ZFPM2: variants seen among roughly 807,000 people sequenced by gnomAD.
ZFPM2 encodes zinc finger protein, FOG family member 2, also known as zinc finger protein ZFPM2.
A neutral mutation model predicts 98.6 loss-of-function variants in ZFPM2; 20 were observed. That is an observed-to-expected ratio of 0.20 (90% CI 0.14 to 0.29). ZFPM2 has a LOEUF of 0.29. Ranked by LOEUF, ZFPM2 falls within the 10% of genes least tolerant of loss-of-function variation. ZFPM2 has a pLI of 1.00. For synonymous variants in ZFPM2, 518 were observed against 502.7 expected, an observed-to-expected ratio of 1.03 and a Z score of -0.41; for missense variants, 1,310 against 1,388.6, an observed-to-expected ratio of 0.94 and a Z score of 0.90.
At chr8:105,528,230 G>C (rs1013298286) in intron 3 of ZFPM2, among the ~76,000 whole-genome samples, 1 of 152,058 alleles carries the variant, frequency 6.6e-6, no homozygotes, top group Non-Finnish European at 1.5e-5. Flanking sequence ...TTGATCTGGG[G>C]TGGGCTCTAA....
chr8:105,388,437 G>C (rs1296021595), intron 1 of ZFPM2, among the ~76,000 whole-genome samples: 1 of 152,186 alleles, frequency 6.6e-6, no homozygotes, highest in Non-Finnish European at 1.5e-5. Flanking sequence ...AGTCGTGAAA[G>C]ATGAGAAGGC....
At chr8:105,608,063 C>A (rs1310486059) in intron 4 of ZFPM2, among the ~76,000 whole-genome samples, 1 of 152,016 alleles carries the variant, frequency 6.6e-6, no homozygotes, top group South Asian at 2.1e-4. Flanking sequence ...GGTATTATCC[C>A]TAGCAAACTA....
intron 3 of ZFPM2, among the ~76,000 whole-genome samples, chr8:105,497,685 T>G (rs1813503013): frequency 6.6e-6 from 1 of 152,120 alleles, no homozygotes; most frequent in African/African-American, 2.4e-5. Context: ...TTGTTTCTCT[T>G]TTAGGTAGCT....
Position 105,802,091 on chromosome 8 carries a change from T to C in ZFPM2, c.2009T>C (p.Val670Ala). ...AAAATTAATGGAAAACCTGTTGATG[T>C]GAAAAATCCCAGTGTCCCCTTAGTG... is the stretch of plus-strand genomic sequence containing the variant. Reference protein sequence around the residue: ...DDKINGKPVDVKNPSVPLVDG... With the variant: ...DDKINGKPVDAKNPSVPLVDG... The change falls in exon 8 of 8, where the codon GTG (valine) becomes GCG (alanine). Residue 670 changes from valine to alanine, a missense_variant. Physicochemically the swap from Val to Ala is moderately conservative, Grantham distance 64 (BLOSUM62 0). Coordinates refer to ENST00000407775, the MANE Select transcript of ZFPM2 (RefSeq NM_012082.4). 1 of 1,613,816 alleles carries C rather than the reference T, an allele frequency of 6.2e-7. No individual in the cohort carries two copies. Among genetic ancestry groups the C allele is most frequent in the South Asian group, 1.1e-5 (1 of 91,064 alleles).
chr8:105,650,803 G>A (rs909214434), intron 5 of ZFPM2, among the ~76,000 whole-genome samples: 2 of 152,124 alleles, frequency 1.3e-5, no homozygotes, highest in African/African-American at 4.8e-5. Context: ...CCAACTATGT[G>A]GTCAATTTTG....
chr8:105,639,516 A>G (rs527688295), intron 5 of ZFPM2, among the ~76,000 whole-genome samples: 8 of 152,040 alleles, frequency 5.3e-5, no homozygotes, highest in African/African-American at 1.9e-4. Flanking sequence ...GCGAAGCCAC[A>G]ATATTATTAT....
chr8:105,476,814 G>C (rs1813021139), intron 3 of ZFPM2, among the ~76,000 whole-genome samples: 1 of 151,646 alleles, frequency 6.6e-6, no homozygotes, highest in African/African-American at 2.4e-5. Flanking sequence ...GGAGAGTGGG[G>C]TGGGTGATTG....
intron 5 of ZFPM2, among the ~76,000 whole-genome samples, chr8:105,652,294 TGAAGCC>T (rs1817196571): frequency 1.6e-4 from 21 of 133,956 alleles, no homozygotes; most frequent in South Asian, 2.3e-4. Flanking sequence ...AGCCCATTTT[TGAAGCC>T]TATTTTTAAA....
chr8:105,663,550 C>A (rs1303651405), intron 5 of ZFPM2, among the ~76,000 whole-genome samples: 3 of 152,134 alleles, frequency 2.0e-5, no homozygotes, highest in Non-Finnish European at 4.4e-5. Context: ...TCACTCACTT[C>A]TTTTTGCAAC....
At position 105,570,256 on chromosome 8, in the gene ZFPM2, C is replaced by T. The variant is rs546246866; in HGVS notation, c.420+8775C>T. Reference sequence around the variant, plus strand: ...TGCAGCAGAGCCTTGGAAAGTGATGCGTTGGTTTGGTTTCTAGAATTAGGG... The same window carrying T: ...TGCAGCAGAGCCTTGGAAAGTGATGTGTTGGTTTGGTTTCTAGAATTAGGG... On this transcript the variant is annotated intron_variant, in intron 4 of 7. Coordinates refer to ENST00000407775, the MANE Select transcript of ZFPM2 (RefSeq NM_012082.4). Among the ~76,000 whole-genome samples, 15 of 151,930 alleles carry T rather than the reference C, an allele frequency of 9.9e-5. No individual in the cohort carries two copies. The South Asian group carries it at 2.7e-3, about 28-fold the overall frequency.
At chr8:105,324,966 C>T (rs1812088719) in intron 1 of ZFPM2, among the ~76,000 whole-genome samples, 1 of 151,816 alleles carries the variant, frequency 6.6e-6, no homozygotes, top group Admixed American at 6.6e-5. Context: ...AATCTTTGTT[C>T]ACTAAAAAGT....
chr8:105,331,016 T>C (rs1055331118), intron 1 of ZFPM2, among the ~76,000 whole-genome samples: 8 of 151,228 alleles, frequency 5.3e-5, no homozygotes, highest in African/African-American at 1.9e-4. Flanking sequence ...TAACCTGTTT[T>C]TTGGTGTTCA....
At position 105,453,108 on chromosome 8, in the gene ZFPM2, C is replaced by T. The variant is rs143539880; in HGVS notation, c.301+8727C>T. ...GTGCCACAAATTTGGAACTAAATTA[C>T]TAGAAGGGTAATATTGACTGAGTAC... On this transcript the variant is annotated intron_variant, in intron 3 of 7. Transcript: ENST00000407775. 9.4e-3 allele frequency among the ~76,000 whole-genome samples: 1,425 copies of T among 152,172 alleles called. 10 individuals carry two copies. The highest frequency in any genetic ancestry group is 0.015 in the Non-Finnish European group (992 of 67,988).
At chr8:105,510,272 A>G (rs1302891880) in intron 3 of ZFPM2, among the ~76,000 whole-genome samples, 2 of 152,196 alleles carry the variant, frequency 1.3e-5, no homozygotes, top group African/African-American at 4.8e-5. Flanking sequence ...TGGGATTAAA[A>G]TAGTTTTTGA....
At chr8:105,496,090 T>C (rs998727465) in intron 3 of ZFPM2, among the ~76,000 whole-genome samples, 1 of 152,224 alleles carries the variant, frequency 6.6e-6, no homozygotes, top group African/African-American at 2.4e-5. Context: ...TTTTCTCCTA[T>C]GAATGTCTTT....
intron 4 of ZFPM2, among the ~76,000 whole-genome samples, chr8:105,610,698 A>G (rs1013356632): frequency 2.6e-5 from 4 of 152,204 alleles, no homozygotes. Flanking sequence ...AGTGTCCAAA[A>G]GAGTGGACCA....
At chr8:105,733,950 A>G (rs1337742868) in intron 5 of ZFPM2, among the ~76,000 whole-genome samples, 1 of 151,918 alleles carries the variant, frequency 6.6e-6, no homozygotes, top group Non-Finnish European at 1.5e-5. Flanking sequence ...AAGGAAATGC[A>G]ACAGTCACAG....
intron 4 of ZFPM2, among the ~76,000 whole-genome samples, chr8:105,604,907 G>C (rs1432404262): frequency 6.6e-6 from 1 of 151,894 alleles, no homozygotes; most frequent in Non-Finnish European, 1.5e-5. Flanking sequence ...AGATTATCTT[G>C]TATGTTTTGC....
intron 5 of ZFPM2, among the ~76,000 whole-genome samples, chr8:105,682,608 T>C (rs1810633604): frequency 6.6e-6 from 1 of 152,040 alleles, no homozygotes; most frequent in South Asian, 2.1e-4. Flanking sequence ...TTGTAGAGAA[T>C]AGGGAGACAG....
Sources: gnomAD v4.1 joint callset for allele counts (sites outside exome capture counted in the v4.1 genomes callset) on GRCh38, gnomAD v4.1.1 for gene constraint, MANE v1.5 for transcripts, NCBI Gene and HGNC (gene_info 2026-07-23, HGNC 2026-07-21) for gene names.